Variants in CCDC169 observed in about 807,000 individuals in gnomAD.
CCDC169 encodes coiled-coil domain containing 169.
CCDC169 carries 30 observed loss-of-function variants against 36.0 expected under a neutral mutation model. The ratio of observed to expected loss-of-function variants is 0.83; its 90% CI spans 0.62 to 1.13. CCDC169 has a LOEUF of 1.13. CCDC169 is among the 50% of genes most tolerant of loss of function. The pLI is 0.00. For missense variants in CCDC169, 245 were observed against 245.9 expected (o/e 1.00, Z 0.03); for synonymous variants, 85 against 81.5 (o/e 1.04, Z -0.23).
In CCDC169 at chr13:36,248,695, A is replaced by T; in HGVS notation, c.469-13T>A. 1 of 1,548,568 alleles carries T rather than the reference A, an allele frequency of 6.5e-7. No individual in the cohort carries two copies. Among genetic ancestry groups the T allele is most frequent in the Non-Finnish European group, 8.7e-7 (1 of 1,145,080 alleles). ...GTAAACCAGAACCCTGAAATACAAA[A>T]ATTTGAGTGTTTATCCCCTTGGTTC... On this transcript the variant is annotated splice_polypyrimidine_tract_variant and intron_variant, in intron 6 of 7. Coordinates refer to ENST00000239859, the MANE Select transcript of CCDC169 (RefSeq NM_001144981.3).
At chr13:36,294,242 G>T (rs1473691645) in intron 2 of CCDC169, among the ~76,000 whole-genome samples, 2 of 152,120 alleles carry the variant, frequency 1.3e-5, no homozygotes, top group African/African-American at 4.8e-5. Context: ...GCTACAACTT[G>T]TTGAGCCACA....
chr13:36,248,684 T>C lies in CCDC169; in HGVS notation c.469-2A>G. On this transcript the variant is annotated splice_acceptor_variant, in intron 6 of 7. Transcript: ENST00000239859. LOFTEE classifies it high-confidence loss of function. ...AGAAACTTGATGTAAACCAGAACCCTGAAATACAAAAATTTGAGTGTTTAT... is the reference window on the plus strand; with the variant it reads ...AGAAACTTGATGTAAACCAGAACCCCGAAATACAAAAATTTGAGTGTTTAT... 1 of 1,549,312 alleles carries C rather than the reference T, an allele frequency of 6.5e-7. No individual in the cohort carries two copies. The highest frequency in any genetic ancestry group is 8.7e-7 in the Non-Finnish European group (1 of 1,145,588).
intron 2 of CCDC169, among the ~76,000 whole-genome samples, chr13:36,288,635 C>T (rs895226567): frequency 7.2e-5 from 11 of 152,048 alleles, no homozygotes; most frequent in African/African-American, 2.7e-4. Context: ...TTTCTTGCTT[C>T]CTAAGTTTTC....
chr13:36,294,332 G>A (rs1352009638), intron 2 of CCDC169, among the ~76,000 whole-genome samples: 2 of 152,266 alleles, frequency 1.3e-5, no homozygotes, highest in East Asian at 3.9e-4. Context: ...ACATGAGGAC[G>A]TTCCAGTTAC....
chr13:36,236,537 TA>T (rs1871102305), intron 7 of CCDC169, among the ~76,000 whole-genome samples: 1 of 151,976 alleles, frequency 6.6e-6, no homozygotes, highest in African/African-American at 2.4e-5. Context: ...ATAAAACTCT[TA>T]GAAGAAAACA....
intron 4 of CCDC169, among the ~76,000 whole-genome samples, chr13:36,263,862 C>T (rs9575700): frequency 0.25 from 37,983 of 152,036 alleles, 5,083 homozygotes; most frequent in East Asian, 0.49. Context: ...ATGAAATAAA[C>T]TGCTCAATAT....
At chr13:36,260,538 ATTG>A (rs1233413962) in intron 4 of CCDC169, among the ~76,000 whole-genome samples, 5 of 152,204 alleles carry the variant, frequency 3.3e-5, no homozygotes, top group Admixed American at 2.0e-4. Flanking sequence ...AAAATGTATA[ATTG>A]TTATCTTCCA....
At chr13:36,256,087 G>T (rs1354353742) in intron 4 of CCDC169, among the ~76,000 whole-genome samples, 1 of 152,092 alleles carries the variant, frequency 6.6e-6, no homozygotes, top group Non-Finnish European at 1.5e-5. Context: ...CAATTTCTTG[G>T]CTGGGCAGCT....
intron 7 of CCDC169, among the ~76,000 whole-genome samples, chr13:36,242,602 G>A (rs568855758): frequency 2.0e-5 from 3 of 149,404 alleles, no homozygotes; most frequent in South Asian, 2.1e-4. Context: ...GAGTGAACGG[G>A]TTTTTTTTTT....
intron 2 of CCDC169, among the ~76,000 whole-genome samples, chr13:36,291,243 A>G (rs1214926365): frequency 2.0e-5 from 3 of 152,260 alleles, no homozygotes; most frequent in South Asian, 4.1e-4. Flanking sequence ...ACTTACTAAC[A>G]AAGTCTCTCA....
intron 6 of CCDC169, among the ~76,000 whole-genome samples, 179 bp downstream of exon 6, chr13:36,253,624 A>G (rs1011203410): frequency 6.6e-6 from 1 of 152,124 alleles, no homozygotes; most frequent in African/African-American, 2.4e-5. Context: ...CTTAAGCCAC[A>G]GTGCCCAGCC....
At chr13:36,269,077 C>T (rs982106693) in intron 4 of CCDC169, among the ~76,000 whole-genome samples, 12 of 151,418 alleles carry the variant, frequency 7.9e-5, no homozygotes, top group Admixed American at 7.2e-4. Flanking sequence ...GCACTCCAGC[C>T]GGGGTGAGAG....
At chr13:36,285,978 C>G (rs1171615996) in intron 2 of CCDC169, among the ~76,000 whole-genome samples, 2 of 152,202 alleles carry the variant, frequency 1.3e-5, no homozygotes, top group Non-Finnish European at 2.9e-5. Flanking sequence ...CACTTTCTCT[C>G]TACTGGACCT....
intron 4 of CCDC169, among the ~76,000 whole-genome samples, chr13:36,269,192 G>A (rs1875725160): frequency 6.6e-6 from 1 of 152,040 alleles, no homozygotes; most frequent in East Asian, 1.9e-4. Flanking sequence ...TAAGTTCTTG[G>A]AAACATACAA....
chr13:36,282,544 G>A (rs777149845), intron 4 of CCDC169: 261 of 985,028 alleles, frequency 2.6e-4, no homozygotes, highest in Non-Finnish European at 3.0e-4. Flanking sequence ...GAATAGAGAG[G>A]ACCAGTTCTG....
chr13:36,281,642 G>C (rs972307454), intron 4 of CCDC169, among the ~76,000 whole-genome samples: 1 of 152,126 alleles, frequency 6.6e-6, no homozygotes, highest in East Asian at 1.9e-4. Flanking sequence ...CAGGTGGATT[G>C]CTTGAGCTCA....
chr13:36,257,849 C>G (rs766549481), intron 4 of CCDC169, among the ~76,000 whole-genome samples: 2 of 152,168 alleles, frequency 1.3e-5, no homozygotes, highest in Non-Finnish European at 2.9e-5. Context: ...ATTTTGTTGT[C>G]TACTCTGACT....
chr13:36,237,039 T>C (rs1871165590), intron 7 of CCDC169, among the ~76,000 whole-genome samples: 3 of 151,350 alleles, frequency 2.0e-5, no homozygotes, highest in Non-Finnish European at 3.0e-5. Flanking sequence ...TTATACTTTG[T>C]TGGGTTTTTA....
chr13:36,235,008 A>G (rs913004635), intron 7 of CCDC169, among the ~76,000 whole-genome samples: 3 of 152,224 alleles, frequency 2.0e-5, no homozygotes. Flanking sequence ...ATGAGCAATA[A>G]TTGTAAATCT....
Sources: gnomAD v4.1 joint callset for allele counts (sites outside exome capture counted in the v4.1 genomes callset) on GRCh38, gnomAD v4.1.1 for gene constraint, MANE v1.5 for transcripts, NCBI Gene and HGNC (gene_info 2026-07-23, HGNC 2026-07-21) for gene names.